The following RBM5 variants were observed in gnomAD, a reference collection of about 807,000 sequenced individuals.
The protein encoded by RBM5 is RNA-binding protein 5.
RBM5 carries 15 observed loss-of-function variants against 124.6 expected under a neutral mutation model. The observed-to-expected ratio is 0.12, with a 90% confidence interval of 0.08 to 0.19. The LOEUF is 0.19. Among genes scored for constraint, RBM5 ranks in the 10% least tolerant of loss-of-function variants. The pLI, the probability that RBM5 is intolerant of heterozygous loss-of-function variation, is 1.00. For synonymous variants in RBM5, 337 were observed against 361.2 expected, an observed-to-expected ratio of 0.93 and a Z score of 0.76; for missense variants, 580 against 1,026.5, an observed-to-expected ratio of 0.57 and a Z score of 5.94.
In RBM5 at chr3:50,092,149, T is replaced by A. The variant is rs755152322; in HGVS notation, c.124T>A (p.Ser42Thr). Residue 42 changes from serine to threonine, a missense_variant, in exon 3 of 25, where the codon TCT (serine) becomes ACT (threonine). By Grantham distance (58) the Ser-to-Thr change is moderately conservative (BLOSUM62 1). Around this residue, in one of 6 missense-constraint regions of RBM5, gnomAD observed 99 missense variants for 121.1 expected, o/e 0.82. Coordinates refer to ENST00000347869, the MANE Select transcript of RBM5 (RefSeq NM_005778.4). ...SRRRDSDYKR[S>T]SDDRRGDRYD... ...GCGGAGGGACTCAGATTACAAAAGA[T>A]CTAGTGATGATCGGAGGGGTGATAG... The A allele has an allele frequency of 3.7e-6, 6 of 1,613,546 alleles. No homozygotes were observed. The highest frequency in any genetic ancestry group is 3.3e-4 in the Middle Eastern group (2 of 6,084).
At chr3:50,108,741 C>T (rs564323987) in intron 14 of RBM5, among the ~76,000 whole-genome samples, 1 of 152,198 alleles carries the variant, frequency 6.6e-6, no homozygotes, top group African/African-American at 2.4e-5. Flanking sequence ...GGGGCATATT[C>T]AGGGCTGTCA....
chr3:50,090,429 G>A lies in RBM5; in HGVS notation c.-6G>A, dbSNP rs779375949. On this transcript the variant is annotated 5_prime_UTR_variant, in exon 2 of 25. Transcript: ENST00000347869. Reference sequence around the variant, plus strand: ...TGGAGCTGTGTGCTAAATCTTCAGTGGGACAATGGGTTCAGACAAAAGGTA... The same window carrying A: ...TGGAGCTGTGTGCTAAATCTTCAGTAGGACAATGGGTTCAGACAAAAGGTA... 7.4e-6 allele frequency: 12 copies of A among 1,613,848 alleles called. No individual in the cohort carries two copies. Among genetic ancestry groups the A allele is most frequent in the Non-Finnish European group, 1.0e-5 (12 of 1,179,928 alleles).
intron 16 of RBM5, 22 bp downstream of exon 16, chr3:50,110,485 T>A (rs1338343701): frequency 6.3e-7 from 1 of 1,599,776 alleles, no homozygotes; most frequent in Non-Finnish European, 8.6e-7. Context: ...CTCATGGGGC[T>A]GTTGACAGTT....
At chr3:50,099,697 C>CA (rs879899576) in intron 4 of RBM5, 2,385 of 134,042 alleles carry the variant, frequency 0.018, 1 homozygote, top group Middle Eastern at 0.041. Flanking sequence ...GACTCCGTCT[C>CA]AAAAAAAAAA....
chr3:50,115,799 A>G (rs751745720), intron 21 of RBM5, 107 bp from the exon 22 acceptor site: 20 of 1,247,248 alleles, frequency 1.6e-5, no homozygotes, highest in Non-Finnish European at 2.1e-5. Context: ...GTGATTGTGT[A>G]TTGTTTGGGC....
rs183982409 is a variant in RBM5 at position 50,106,203 on chromosome 3, A to G, written c.855+494A>G. On this transcript the variant is annotated intron_variant, in intron 10 of 24. Transcript: ENST00000347869. ...AGGCTGGATGGAGTGCAGTGGTGTG[A>G]TCTCGGCTCACTGCAAGCTCCATCT... Among the ~76,000 whole-genome samples, 377 of 111,616 alleles carry G rather than the reference A, an allele frequency of 3.4e-3. 1 individual carries two copies. The highest frequency in any genetic ancestry group is 0.013 in the African/African-American group (368 of 28,446). The allele number at this position is 111,616 out of a possible 152,430, so 73.2% of individuals were successfully genotyped here. A position where few individuals can be genotyped will look rare whatever the true frequency, so the allele number is the denominator to read the frequency against.
At chr3:50,104,901 C>T in intron 8 of RBM5, 176 bp from the exon 9 acceptor site, 1 of 535,048 alleles carries the variant, frequency 1.9e-6, no homozygotes, top group Non-Finnish European at 3.4e-6. Context: ...CCAAAGTTTG[C>T]ATTCTGCGTT....
Position 50,115,559 on chromosome 3 carries a change from G to T in RBM5, c.1971G>T (p.Pro657=), listed in dbSNP as rs760097229. The T allele has an allele frequency of 4.3e-6, 7 of 1,613,424 alleles. No homozygotes were observed. Among genetic ancestry groups the T allele is most frequent in the Non-Finnish European group, 5.9e-6 (7 of 1,179,854 alleles). The change falls in exon 21 of 25, where the codon CCG becomes CCT. Residue 657 remains proline (P), a synonymous_variant. Transcript: ENST00000347869. ...GTCTGCTCTGCCGGCGCCAGTTCCC[G>T]AACAAAGATGCCCTAGTCAGGCACC... ...MACLLCRRQF[P]NKDALVRHQQ...
chr3:50,114,155 T>A, intron 19 of RBM5, 25 bp from the exon 20 acceptor site: 1 of 1,614,134 alleles, frequency 6.2e-7, no homozygotes, highest in Non-Finnish European at 8.5e-7. Flanking sequence ...AACTTGAGTC[T>A]CATGGCTTGT....
intron 9 of RBM5, 44 bp downstream of exon 9, chr3:50,105,186 C>T (rs764556481): frequency 1.4e-6 from 2 of 1,472,772 alleles, no homozygotes; most frequent in East Asian, 2.3e-5. Flanking sequence ...TAAAAATTGA[C>T]CTCAGTTGTC....
Position 50,100,472 on chromosome 3 carries a change from C to A in RBM5, c.410-60C>A. 7.2e-7 allele frequency: 1 copy of A among 1,385,690 alleles called. No homozygotes were observed. The highest frequency in any genetic ancestry group is 1.0e-6 in the Non-Finnish European group (1 of 978,444). 85.8% of individuals were successfully genotyped at this position (1,385,690 alleles called of 1,614,324 possible). A position where few individuals can be genotyped will look rare whatever the true frequency, so the allele number is the denominator to read the frequency against. On this transcript the variant is annotated intron_variant, in intron 5 of 24. Coordinates refer to ENST00000347869, the MANE Select transcript of RBM5 (RefSeq NM_005778.4). The surrounding 1 kb of genome is among the most constrained non-coding windows in gnomAD (Gnocchi z 5.1). ...GTTGAAGCAGTGGGAGAGAGATTCA[C>A]CTGTTATAAAGGAACTGACTAACAC...
At chr3:50,113,296 A>G in intron 17 of RBM5, 87 bp from the exon 18 acceptor site, 5 of 1,406,258 alleles carry the variant, frequency 3.6e-6, no homozygotes, top group Non-Finnish European at 4.9e-6. Context: ...AGTCCACAAC[A>G]TACTTTATCT....
rs770083160 is a variant in RBM5, at chr3:50,100,519, A to C, written c.410-13A>C. 6.3e-7 allele frequency: 1 copy of C among 1,598,272 alleles called. No individual in the cohort carries two copies. Among genetic ancestry groups the C allele is most frequent in the African/African-American group, 1.3e-5 (1 of 74,554 alleles). On this transcript the variant is annotated splice_polypyrimidine_tract_variant and intron_variant, in intron 5 of 24. Coordinates refer to ENST00000347869, the MANE Select transcript of RBM5 (RefSeq NM_005778.4). The surrounding 1 kb of genome is among the most constrained non-coding windows in gnomAD (Gnocchi z 5.1). The stretch of plus-strand genomic sequence containing the variant: ...ACACAAGTATCCCGTCTATATCTGA[A>C]TGCTGTCTCTAGGTGTAAGCCGTGG...
chr3:50,099,681 G>C (rs2090898569), intron 4 of RBM5: 1 of 180,026 alleles, frequency 5.6e-6, no homozygotes, highest in East Asian at 1.5e-4. Context: ...CTGGGTGACA[G>C]AGCGAGACTC....
intron 7 of RBM5, 92 bp downstream of exon 7, chr3:50,103,258 T>G (rs1355423657): frequency 1.9e-6 from 2 of 1,031,392 alleles, no homozygotes; most frequent in Non-Finnish European, 3.0e-6. Flanking sequence ...ACAAGGAAAT[T>G]GTTACTCAAT....
rs759558165 is a variant in RBM5 at position 50,093,677 on chromosome 3, GT to G, written c.184-42del. 1.7e-5 allele frequency: 27 copies of G among 1,596,172 alleles called. No individual in the cohort carries two copies. In the East Asian group the frequency reaches 6.1e-4, roughly 36 times the overall value. On this transcript the variant is annotated intron_variant, in intron 3 of 24. Transcript: ENST00000347869. The stretch of plus-strand genomic sequence containing the variant: ...AGGAGTGGAGGGTCTGTTTCAAAGA[GT>G]ACAGGGTGATGTTAATTGTGATTTT...
intron 22 of RBM5, chr3:50,116,839 T>G: frequency 2.0e-6 from 1 of 510,458 alleles, no homozygotes; most frequent in South Asian, 2.1e-5. Context: ...ATAAAACTGC[T>G]TGTTGGAGAC....
At chr3:50,092,503 A>G (rs1045478858) in intron 3 of RBM5, among the ~76,000 whole-genome samples, 1 of 151,222 alleles carries the variant, frequency 6.6e-6, no homozygotes, top group Non-Finnish European at 1.5e-5. Context: ...CGGAGGTTGC[A>G]GTGAGCTGAG....
rs750301528 is a variant in RBM5, at chr3:50,107,492, C to T, written c.964C>T (p.Leu322Phe). ...FAKSARKDLVLSDGNRVSAFS... is the reference protein window; with the variant it reads ...FAKSARKDLVFSDGNRVSAFS... ...TCTTTGTGGTTTCAGAGACTTGGTC[C>T]TCTCAGATGGTAACCGCGTCAGCGC... Residue 322 changes from leucine to phenylalanine, a missense_variant, in exon 12 of 25, where the codon CTC becomes TTC. By Grantham distance (22) the Leu-to-Phe change is conservative (BLOSUM62 0). Coordinates refer to ENST00000347869, the MANE Select transcript of RBM5 (RefSeq NM_005778.4). 7 of 1,601,264 alleles carry T rather than the reference C, an allele frequency of 4.4e-6. No homozygotes were observed. The highest frequency in any genetic ancestry group is 2.2e-5 in the South Asian group (2 of 90,754).
Sources: allele counts gnomAD v4.1 joint callset (sites outside exome capture counted in the v4.1 genomes callset), GRCh38; gene constraint gnomAD v4.1.1; regional missense constraint gnomAD v4.1.1; non-coding constraint Gnocchi (gnomAD v3.1); transcripts MANE v1.5; gene names NCBI Gene and HGNC (gene_info 2026-07-23, HGNC 2026-07-21).